The following SUPT6H variants were observed in gnomAD, a reference collection of about 807,000 sequenced individuals.
SUPT6H encodes the protein transcription elongation factor SPT6.
SUPT6H carries 11 observed loss-of-function variants against 222.3 expected under a neutral mutation model. That is an observed-to-expected ratio of 0.05 (90% CI 0.03 to 0.08). SUPT6H has a LOEUF of 0.08. Ranked by LOEUF, SUPT6H falls within the 10% of genes least tolerant of loss-of-function variation. The pLI is 1.00. For synonymous variants in SUPT6H, 762 were observed against 801.2 expected (o/e 0.95, Z 0.83); for missense variants, 1,422 against 2,216.0 (o/e 0.64, Z 7.19).
At position 28,688,039 on chromosome 17, in the gene SUPT6H, G is replaced by A. The variant is rs2031477986; in HGVS notation, c.3007-52G>A. ...GGTTTAATAGAGACTGGAACAGTCT[G>A]GGGAGGTGGGGCCTGCTTACTGCCC... is the stretch of plus-strand genomic sequence containing the variant. On this transcript the variant is annotated intron_variant, in intron 23 of 36. Coordinates refer to ENST00000314616, the MANE Select transcript of SUPT6H (RefSeq NM_003170.5). The surrounding 1 kb of genome is among the most constrained non-coding windows in gnomAD (Gnocchi z 4.3). 1 of 1,543,030 alleles carries A rather than the reference G, an allele frequency of 6.5e-7. No homozygotes were observed. Among genetic ancestry groups the A allele is most frequent in the Non-Finnish European group, 8.8e-7 (1 of 1,142,444 alleles).
intron 35 of SUPT6H, 132 bp from the exon 36 acceptor site, chr17:28,700,809 G>A: frequency 8.4e-7 from 1 of 1,185,898 alleles, no homozygotes. Flanking sequence ...CCCACTGCTG[G>A]TCAGAAGCAC....
chr17:28,679,729 C>CG (rs1377122114), intron 11 of SUPT6H, among the ~76,000 whole-genome samples: 29 of 151,816 alleles, frequency 1.9e-4, no homozygotes, highest in African/African-American at 6.8e-4. Flanking sequence ...CGGTGGCTAA[C>CG]GCTTGTAATC....
intron 27 of SUPT6H, among the ~76,000 whole-genome samples, chr17:28,692,373 C>T (rs1056245684): frequency 2.1e-5 from 3 of 146,284 alleles, no homozygotes; most frequent in African/African-American, 5.1e-5. Context: ...TGGCTCATGC[C>T]TGTAATCCCA....
chr17:28,690,491 A>T (rs1419372232), intron 26 of SUPT6H, among the ~76,000 whole-genome samples: 1 of 152,178 alleles, frequency 6.6e-6, no homozygotes, highest in African/African-American at 2.4e-5. Flanking sequence ...AATCAGGGGA[A>T]CGGCCAGGCA....
At chr17:28,687,986 C>A in intron 23 of SUPT6H, 105 bp from the exon 24 acceptor site, 6 of 1,186,930 alleles carry the variant, frequency 5.1e-6, no homozygotes, top group Non-Finnish European at 5.5e-6. Context: ...CAACTAGATA[C>A]TGGGTGGGAC....
Position 28,681,294 on chromosome 17 carries a change from T to C in SUPT6H, c.1388T>C (p.Val463Ala). Residue 463 changes from valine (V) to alanine (A), a missense_variant, in exon 12 of 37, where the codon GTC becomes GCC. By Grantham distance (64) the Val-to-Ala change is moderately conservative. Transcript: ENST00000314616. ...DVQSMDELKD[V>A]YNHFLLYYGR... ...CAATCAATGGATGAGCTGAAAGATGTCTACAACCATTTTCTTCTTTATTAT... is the reference window on the plus strand; with the variant it reads ...CAATCAATGGATGAGCTGAAAGATGCCTACAACCATTTTCTTCTTTATTAT... The C allele has an allele frequency of 6.2e-7, 1 of 1,614,058 alleles. No individual in the cohort carries two copies. The highest frequency in any genetic ancestry group is 8.5e-7 in the Non-Finnish European group (1 of 1,180,012).
At chr17:28,673,816 A>G (rs1316276151) in intron 2 of SUPT6H, among the ~76,000 whole-genome samples, 1 of 152,194 alleles carries the variant, frequency 6.6e-6, no homozygotes, top group Non-Finnish European at 1.5e-5. Flanking sequence ...TAGACCTAGC[A>G]TTGTTGATAT....
At position 28,701,113 on chromosome 17, in the gene SUPT6H, G is replaced by A. The variant is rs148310656; in HGVS notation, c.4979G>A (p.Arg1660Gln). The change falls in exon 36 of 37, where the codon CGG becomes CAG. Residue 1660 changes from arginine (R) to glutamine (Q), a missense_variant. Transcript: ENST00000314616. ...QPQPSSSSRQ[R>Q]QQQPKSNSHA... ...CAGCCCTCTTCCAGCTCCCGGCAACGGCAGCAGCAGCCAAAGTAAGTATCT... is the reference window on the plus strand; with the variant it reads ...CAGCCCTCTTCCAGCTCCCGGCAACAGCAGCAGCAGCCAAAGTAAGTATCT... 3.9e-5 allele frequency: 63 copies of A among 1,609,824 alleles called. No individual in the cohort carries two copies. The highest frequency in any genetic ancestry group is 4.8e-5 in the Non-Finnish European group (57 of 1,179,044).
rs752334271 is a variant in SUPT6H at position 28,682,683 on chromosome 17, C to T, written c.1598-44C>T. 6.3e-6 allele frequency: 10 copies of T among 1,596,516 alleles called. No individual in the cohort carries two copies. In the African/African-American group the frequency reaches 6.7e-5, roughly 11 times the overall value. ...AGATTCTGAAAGCCAAGAGGTTTATCAGCCTATCTGCTGCCTTACCCTTCA... is the reference window on the plus strand; with the variant it reads ...AGATTCTGAAAGCCAAGAGGTTTATTAGCCTATCTGCTGCCTTACCCTTCA... On this transcript the variant is annotated intron_variant, in intron 13 of 36. Coordinates refer to ENST00000314616, the MANE Select transcript of SUPT6H (RefSeq NM_003170.5).
rs148543884 is a variant in SUPT6H, at chr17:28,695,685, A to G, written c.3970+138A>G. 46 of 1,017,778 alleles carry G rather than the reference A, an allele frequency of 4.5e-5. No homozygotes were observed. The African/African-American group carries it at 6.5e-4, about 14-fold the overall frequency. The allele number at this position is 1,017,778 out of a possible 1,614,324, so 63.0% of individuals were successfully genotyped here. A position where few individuals can be genotyped will look rare whatever the true frequency, so the allele number is the denominator to read the frequency against. ...AGCTTTGAGGTGCTAAGGCCTGGAG[A>G]TGTCATGAAAAAGTCATAGGTAGGG... is the stretch of plus-strand genomic sequence containing the variant. On this transcript the variant is annotated intron_variant, in intron 29 of 36. Coordinates refer to ENST00000314616, the MANE Select transcript of SUPT6H (RefSeq NM_003170.5).
In SUPT6H at chr17:28,687,138, C is replaced by G. The variant is rs745757443; in HGVS notation, c.2751C>G (p.Ala917=). 4.5e-5 allele frequency: 73 copies of G among 1,613,892 alleles called. No individual in the cohort carries two copies. The highest frequency in any genetic ancestry group is 5.8e-5 in the Non-Finnish European group (68 of 1,180,054). Residue 917 remains alanine (A), a synonymous_variant, in exon 22 of 37, where the codon GCC becomes GCG. Coordinates refer to ENST00000314616, the MANE Select transcript of SUPT6H (RefSeq NM_003170.5). ...TGCTGAGACAGGCCGTCTCCCTGGC[C>G]CGGCGCATCCAGGACCCTCTGATTG... ...PPVLRQAVSL[A]RRIQDPLIEF...
At position 28,678,886 on chromosome 17, in the gene SUPT6H, G is replaced by A; in HGVS notation, c.1272G>A (p.Gln424=). ...TGTTTGAGAAGATGCAGGCTTATCA[G>A]TATGAACAGATCTCTGCTGACCCTG... ...TRLFEKMQAY[Q]YEQISADPDK... Residue 424 remains glutamine (Q), a synonymous_variant, in exon 11 of 37, where the codon CAG becomes CAA. Transcript: ENST00000314616. 2 of 1,614,232 alleles carry A rather than the reference G, an allele frequency of 1.2e-6. No homozygotes were observed. Among genetic ancestry groups the A allele is most frequent in the South Asian group, 1.1e-5 (1 of 91,086 alleles).
intron 30 of SUPT6H, 44 bp from the exon 31 acceptor site, chr17:28,697,576 C>T (rs1414487294): frequency 1.3e-6 from 2 of 1,515,022 alleles, no homozygotes; most frequent in African/African-American, 1.4e-5. Flanking sequence ...TCAAGAATCT[C>T]AGCTCTGGAT....
At chr17:28,673,129 T>A (rs1264266252) in intron 1 of SUPT6H, among the ~76,000 whole-genome samples, 1 of 140,890 alleles carries the variant, frequency 7.1e-6, no homozygotes, top group Non-Finnish European at 1.5e-5. Flanking sequence ...CCAGCCTGGG[T>A]GAGAGAGTGA....
In SUPT6H at chr17:28,681,397, TGAA is replaced by T; in HGVS notation, c.1496_1498del (p.Glu499del). On this transcript the variant is annotated inframe_deletion, in exon 12 of 37. Transcript: ENST00000314616. ...TGAAGCGTGTCAGGGAAGAGGGAGA[TGAA>T]GAAGGTTAGTGCTGGAAAAGAAAAT... 1 of 1,599,646 alleles carries T rather than the reference TGAA, an allele frequency of 6.3e-7. No homozygotes were observed. The highest frequency in any genetic ancestry group is 8.5e-7 in the Non-Finnish European group (1 of 1,174,208).
chr17:28,682,714 C>T lies in SUPT6H; in HGVS notation c.1598-13C>T. On this transcript the variant is annotated splice_polypyrimidine_tract_variant and intron_variant, in intron 13 of 36. Coordinates refer to ENST00000314616, the MANE Select transcript of SUPT6H (RefSeq NM_003170.5). ...ATCTGCTGCCTTACCCTTCACTCTT[C>T]TGTTTGCTTTAGATGGCCTGGCCAA... The T allele has an allele frequency of 6.2e-7, 1 of 1,613,946 alleles. No homozygotes were observed. Among genetic ancestry groups the T allele is most frequent in the Non-Finnish European group, 8.5e-7 (1 of 1,179,894 alleles).
intron 32 of SUPT6H, among the ~76,000 whole-genome samples, 174 bp from the exon 33 acceptor site, chr17:28,699,607 A>ATATGTTCTGCCATGTGCTGCTCACCTCCC (rs2032053248): frequency 1.3e-5 from 2 of 152,144 alleles, no homozygotes; most frequent in Admixed American, 1.3e-4. Flanking sequence ...TTGGTCTTCA[A>ATATGTTCTGCCATGTGCTGCTCACCTCCC]TATGTTCTGC....
intron 3 of SUPT6H, 22 bp from the exon 4 acceptor site, chr17:28,674,515 G>C: frequency 6.2e-7 from 1 of 1,614,182 alleles, no homozygotes. Context: ...CCATCACCAT[G>C]GGCAACACTT....
At position 28,692,739 on chromosome 17, in the gene SUPT6H, C is replaced by T. The variant is rs535733104; in HGVS notation, c.3634-957C>T. 1.1e-4 allele frequency among the ~76,000 whole-genome samples: 16 copies of T among 147,938 alleles called. 1 individual carries two copies. The highest frequency in any genetic ancestry group is 3.3e-4 in the African/African-American group (13 of 39,738). ...AGGCTTAACCGGGTGCAGTGGCTCA[C>T]GCCTATAATCCCAGCACTTTGGGAG... On this transcript the variant is annotated intron_variant, in intron 27 of 36. Transcript: ENST00000314616.
Sources: allele counts gnomAD v4.1 joint callset (sites outside exome capture counted in the v4.1 genomes callset), GRCh38; gene constraint gnomAD v4.1.1; non-coding constraint Gnocchi (gnomAD v3.1); transcripts MANE v1.5; gene names NCBI Gene and HGNC (gene_info 2026-07-23, HGNC 2026-07-21).